Variants in SV2C observed in about 807,000 individuals in gnomAD.
SV2C encodes synaptic vesicle glycoprotein 2C, also known as solute carrier family 22 member B3.
A neutral mutation model predicts 79.7 loss-of-function variants in SV2C; 49 were observed. The observed-to-expected ratio is 0.61, with a 90% CI of 0.49 to 0.78. The LOEUF is 0.78. Ranked by LOEUF, SV2C falls within the 30% of genes least tolerant of loss-of-function variation. The pLI, the probability that SV2C is intolerant of heterozygous loss-of-function variation, is 0.00. For synonymous variants in SV2C, 334 were observed against 333.2 expected (o/e 1.00, Z -0.03); for missense variants, 833 against 912.9 (o/e 0.91, Z 1.13).
rs866639569 is a variant in SV2C, at chr5:76,349,490, C to A, written c.2001-3640C>A. On this transcript the variant is annotated intron_variant, in intron 12 of 12. Transcript: ENST00000322285. ...TCGCGCCACTGCACTCCAGCCTGGG[C>A]ACTCCAGATGGAGCAAGACTTCATC... Among the ~76,000 whole-genome samples, 5 of 152,256 alleles carry A rather than the reference C, an allele frequency of 3.3e-5. No homozygotes were observed. In the South Asian group the frequency reaches 1.0e-3, roughly 32 times the overall value.
chr5:76,032,218 A>C, the SV2C span, among the ~76,000 whole-genome samples: 1 of 144,682 alleles, frequency 6.9e-6, no homozygotes, highest in Non-Finnish European at 1.5e-5. Flanking sequence ...CAGTGACCAT[A>C]TCTTCTTTTT....
intron 1 of SV2C, among the ~76,000 whole-genome samples, chr5:76,110,894 A>G (rs972744766): frequency 6.6e-6 from 1 of 152,210 alleles, no homozygotes; most frequent in African/African-American, 2.4e-5. Context: ...ATTCAGAGCC[A>G]GAAATCTTAG....
chr5:76,183,140 A>G (rs1201513625), intron 2 of SV2C, among the ~76,000 whole-genome samples: 1 of 149,186 alleles, frequency 6.7e-6, no homozygotes, highest in Non-Finnish European at 1.5e-5. Context: ...AGGTTCAAGC[A>G]AGCCTCCTGA....
the SV2C span, among the ~76,000 whole-genome samples, chr5:75,888,932 C>T: frequency 6.6e-6 from 1 of 152,064 alleles, no homozygotes; most frequent in Non-Finnish European, 1.5e-5. Context: ...GGCCAGAAGT[C>T]TGAGATCAGG....
chr5:76,193,628 C>G (rs1744173706), intron 2 of SV2C, among the ~76,000 whole-genome samples: 1 of 152,120 alleles, frequency 6.6e-6, no homozygotes, highest in Non-Finnish European at 1.5e-5. Context: ...CAGGTTTTAA[C>G]CCTTTAGTTA....
intron 1 of SV2C, among the ~76,000 whole-genome samples, chr5:76,121,499 C>T (rs1183091629): frequency 1.3e-5 from 2 of 150,964 alleles, no homozygotes; most frequent in Non-Finnish European, 2.9e-5. Flanking sequence ...TTTATGGTTT[C>T]AGGTCTAACG....
At chr5:76,341,661 G>T (rs2112585492) in intron 12 of SV2C, among the ~76,000 whole-genome samples, 1 of 152,266 alleles carries the variant, frequency 6.6e-6, no homozygotes, top group South Asian at 2.1e-4. Flanking sequence ...TTTCACTGGG[G>T]TTTATAAGGA....
chr5:76,036,416 A>C, the SV2C span, among the ~76,000 whole-genome samples: 7 of 151,362 alleles, frequency 4.6e-5, no homozygotes, highest in Non-Finnish European at 1.0e-4. Flanking sequence ...TGCTTCCTTC[A>C]GGAGCTCCTT....
the SV2C span, among the ~76,000 whole-genome samples, chr5:75,989,310 G>T: frequency 6.6e-6 from 1 of 150,932 alleles, no homozygotes; most frequent in Non-Finnish European, 1.5e-5. Flanking sequence ...TCCTCCCCTC[G>T]ACTCTGTGAC....
At position 76,333,131 on chromosome 5, in the gene SV2C, GA is replaced by G. The variant is rs1406945039; in HGVS notation, c.*7587del. On this transcript the variant is annotated 3_prime_UTR_variant, in exon 13 of 13. Transcript: ENST00000502798. ...TGCGCCCACGTAGTCATCCAAGAAGGAAACTCCTTTCTTGCCTTGATATTCA... is the reference window on the plus strand; with the variant it reads ...TGCGCCCACGTAGTCATCCAAGAAGGAACTCCTTTCTTGCCTTGATATTCA... The G allele has an allele frequency of 6.6e-6, 1 of 152,132 alleles. No individual in the cohort carries two copies. The highest frequency in any genetic ancestry group is 1.5e-5 in the Non-Finnish European group (1 of 68,026). 9.4% of individuals were successfully genotyped at this position (152,132 alleles called of 1,614,324 possible). A position where few individuals can be genotyped will look rare whatever the true frequency, so the allele number is the denominator to read the frequency against.
At chr5:76,216,232 C>T (rs1177743821) in intron 4 of SV2C, among the ~76,000 whole-genome samples, 1 of 152,110 alleles carries the variant, frequency 6.6e-6, no homozygotes, top group Non-Finnish European at 1.5e-5. Context: ...TTGAAATTTT[C>T]CCCGGAGACA....
the SV2C span, among the ~76,000 whole-genome samples, chr5:75,952,875 C>T: frequency 2.2e-4 from 34 of 152,056 alleles, no homozygotes; most frequent in African/African-American, 7.9e-4. Flanking sequence ...TATTATAATG[C>T]CTCACAAATT....
chr5:76,121,405 G>GT (rs1221571674), intron 1 of SV2C, among the ~76,000 whole-genome samples: 5 of 150,974 alleles, frequency 3.3e-5, no homozygotes, highest in Admixed American at 6.6e-5. Context: ...GGCTTTTGTT[G>GT]CCATTGCTTT....
chr5:76,137,312 T>G (rs1251585936), intron 2 of SV2C, among the ~76,000 whole-genome samples: 1 of 152,160 alleles, frequency 6.6e-6, no homozygotes, highest in Non-Finnish European at 1.5e-5. Context: ...TATCAGTTAA[T>G]AGGGTGACAG....
At chr5:76,353,170 C>T (rs968549568) in exon 13 of SV2C, 1 of 443,516 alleles carries the variant, frequency 2.3e-6, no homozygotes, top group Non-Finnish European at 4.5e-6. Flanking sequence ...ATCTTGAACT[C>T]CTGGCCTCAA....
At chr5:75,970,978 A>G in the SV2C span, among the ~76,000 whole-genome samples, 9 of 152,144 alleles carry the variant, frequency 5.9e-5, no homozygotes, top group African/African-American at 1.9e-4. Context: ...TATCCACCAT[A>G]ATCAAGTGGG....
At chr5:76,081,701 G>A (rs1421102009), upstream of SV2C, among the ~76,000 whole-genome samples, 1 of 152,192 alleles carries the variant, frequency 6.6e-6, no homozygotes, top group African/African-American at 2.4e-5. Flanking sequence ...AGGTTCAACA[G>A]CACATGAGAA....
chr5:76,055,363 T>C, the SV2C span, among the ~76,000 whole-genome samples: 1 of 152,268 alleles, frequency 6.6e-6, no homozygotes, highest in African/African-American at 2.4e-5. Flanking sequence ...TCTATAGATC[T>C]GTTACGTACC....
At chr5:75,908,635 G>A in the SV2C span, among the ~76,000 whole-genome samples, 1 of 152,264 alleles carries the variant, frequency 6.6e-6, no homozygotes, top group African/African-American at 2.4e-5. Context: ...GCTCAGGGCT[G>A]GTTTGTAAAT....
Sources: allele counts gnomAD v4.1 joint callset (sites outside exome capture counted in the v4.1 genomes callset), GRCh38; gene constraint gnomAD v4.1.1; transcripts MANE v1.5; gene names NCBI Gene and HGNC (gene_info 2026-07-23, HGNC 2026-07-21).